NKAIN2: variants seen among roughly 807,000 people sequenced by gnomAD.
NKAIN2 encodes the protein sodium/potassium transporting ATPase interacting 2.
Under a neutral mutation model 32.6 loss-of-function variants are expected in NKAIN2, and 14 were observed. The ratio of observed to expected loss-of-function variants is 0.43; its 90% CI spans 0.28 to 0.67. NKAIN2 has a LOEUF of 0.67. Ranked by LOEUF, NKAIN2 falls within the 30% of genes least tolerant of loss-of-function variation. The pLI, the probability that NKAIN2 is intolerant of heterozygous loss-of-function variation, is 0.17. For missense variants in NKAIN2, 198 were observed against 258.3 expected (o/e 0.77, Z 1.60); for synonymous variants, 80 against 87.2 (o/e 0.92, Z 0.46).
intron 1 of NKAIN2, among the ~76,000 whole-genome samples, chr6:124,017,179 T>G (rs1184864293): frequency 6.6e-6 from 1 of 152,116 alleles, no homozygotes; most frequent in Non-Finnish European, 1.5e-5. Context: ...GAACTCCCCT[T>G]TATAAAATCA....
intron 1 of NKAIN2, among the ~76,000 whole-genome samples, chr6:124,160,387 A>G (rs950113725): frequency 6.6e-6 from 1 of 152,166 alleles, no homozygotes; most frequent in Non-Finnish European, 1.5e-5. Flanking sequence ...GTAAAAACGT[A>G]TTCAGGTTTT....
chr6:124,003,477 A>C (rs1779956071), intron 1 of NKAIN2, among the ~76,000 whole-genome samples: 1 of 152,208 alleles, frequency 6.6e-6, no homozygotes, highest in African/African-American at 2.4e-5. Context: ...AAACTTGTTC[A>C]GAACTTGTTG....
intron 3 of NKAIN2, among the ~76,000 whole-genome samples, chr6:124,494,601 A>G (rs1236477405): frequency 6.6e-6 from 1 of 152,168 alleles, no homozygotes; most frequent in Non-Finnish European, 1.5e-5. Context: ...CATAACAGAT[A>G]AATGATAACA....
chr6:124,210,701 T>G (rs1233069726), intron 1 of NKAIN2, among the ~76,000 whole-genome samples: 1 of 151,692 alleles, frequency 6.6e-6, no homozygotes, highest in Non-Finnish European at 1.5e-5. Flanking sequence ...TGAGATTAGT[T>G]TCTTGATTTT....
chr6:124,212,710 G>C (rs928835345), intron 1 of NKAIN2, among the ~76,000 whole-genome samples: 3 of 151,958 alleles, frequency 2.0e-5, no homozygotes, highest in Admixed American at 6.6e-5. Context: ...TTTAGCATTC[G>C]TTGTTCTTCT....
At chr6:124,662,455 C>G (rs1784782053) in intron 4 of NKAIN2, among the ~76,000 whole-genome samples, 1 of 152,136 alleles carries the variant, frequency 6.6e-6, no homozygotes, top group Non-Finnish European at 1.5e-5. Flanking sequence ...AGTTTAAAGT[C>G]AAGTTCTCCT....
In NKAIN2 at chr6:124,312,315, C is replaced by T. The variant is rs1049459597; in HGVS notation, c.192+29173C>T. 4.6e-5 allele frequency among the ~76,000 whole-genome samples: 7 copies of T among 152,244 alleles called. No individual in the cohort carries two copies. The South Asian group carries it at 1.4e-3, about 32-fold the overall frequency. On this transcript the variant is annotated intron_variant, in intron 2 of 6. Coordinates refer to ENST00000368417, the MANE Select transcript of NKAIN2 (RefSeq NM_001040214.3). ...GCTGTCTTCCAATTCAGTTCTGACA[C>T]TCTACCTGGAGATAGCGTCAGATCC...
chr6:124,693,829 A>G (rs1204997475), intron 4 of NKAIN2, among the ~76,000 whole-genome samples: 1 of 152,072 alleles, frequency 6.6e-6, no homozygotes, highest in Non-Finnish European at 1.5e-5. Context: ...AGTTAGTTAG[A>G]CCCTTCCTGT....
intron 1 of NKAIN2, among the ~76,000 whole-genome samples, chr6:124,098,247 A>G (rs1291684244): frequency 6.6e-6 from 1 of 152,214 alleles, no homozygotes; most frequent in African/African-American, 2.4e-5. Context: ...GCAAATTAAG[A>G]ATTGCAAAGC....
At chr6:124,312,820 A>T (rs1358746263) in intron 2 of NKAIN2, among the ~76,000 whole-genome samples, 2 of 152,156 alleles carry the variant, frequency 1.3e-5, no homozygotes, top group South Asian at 4.1e-4. Flanking sequence ...TGGCTTTTCA[A>T]TGCAGCATTC....
intron 3 of NKAIN2, among the ~76,000 whole-genome samples, chr6:124,545,836 A>G (rs1554223586): frequency 1.3e-5 from 2 of 152,132 alleles, no homozygotes; most frequent in Non-Finnish European, 2.9e-5. Context: ...AAATGAAATG[A>G]CACAAACATT....
chr6:124,183,431 A>C lies in NKAIN2; in HGVS notation c.55-99574A>C, dbSNP rs569766199. Among the ~76,000 whole-genome samples the C allele has an allele frequency of 7.2e-5, 11 of 152,014 alleles. No homozygotes were observed. The East Asian group carries it at 2.1e-3, about 29-fold the overall frequency. ...TCAGTCTGTGAGTAAATTATTAGATAGAGTATAGTCTCTGTATTGAGCATG... is the reference window on the plus strand; with the variant it reads ...TCAGTCTGTGAGTAAATTATTAGATCGAGTATAGTCTCTGTATTGAGCATG... On this transcript the variant is annotated intron_variant, in intron 1 of 6. Transcript: ENST00000368417.
intron 5 of NKAIN2, among the ~76,000 whole-genome samples, chr6:124,806,683 C>CA (rs1780580466): frequency 6.6e-6 from 1 of 152,108 alleles, no homozygotes; most frequent in Admixed American, 6.5e-5. Flanking sequence ...AATTAAAAGA[C>CA]ACAGACTGGC....
chr6:124,417,452 A>C (rs1019894017), intron 3 of NKAIN2, among the ~76,000 whole-genome samples: 1 of 151,884 alleles, frequency 6.6e-6, no homozygotes, highest in African/African-American at 2.4e-5. Flanking sequence ...AATATGTAAA[A>C]AATATTTACA....
At chr6:123,990,273 G>A (rs574018198) in intron 1 of NKAIN2, among the ~76,000 whole-genome samples, 7 of 152,256 alleles carry the variant, frequency 4.6e-5, no homozygotes, top group Non-Finnish European at 8.8e-5. Flanking sequence ...TTTGGGTGGG[G>A]ACCCAGCAAA....
chr6:123,904,362 C>G (rs150816133), intron 1 of NKAIN2, among the ~76,000 whole-genome samples: 178 of 152,332 alleles, frequency 1.2e-3, no homozygotes, highest in Non-Finnish European at 2.1e-3. Flanking sequence ...AACCAGTTAT[C>G]AGGGCATAAT....
At chr6:124,464,432 T>C (rs1302249909) in intron 3 of NKAIN2, among the ~76,000 whole-genome samples, 2 of 151,996 alleles carry the variant, frequency 1.3e-5, no homozygotes, top group African/African-American at 4.8e-5. Context: ...TATAAGCTTT[T>C]TTTTTTTCTG....
intron 3 of NKAIN2, chr6:124,438,035 G>T: frequency 3.0e-6 from 1 of 338,424 alleles, no homozygotes. Flanking sequence ...CATATTAAAT[G>T]AGTGCATTTA....
intron 3 of NKAIN2, among the ~76,000 whole-genome samples, chr6:124,616,910 A>G (rs1026013264): frequency 1.3e-5 from 2 of 152,032 alleles, no homozygotes; most frequent in African/African-American, 4.8e-5. Context: ...AGATTGTATA[A>G]AAGAATGACT....
Sources: allele counts gnomAD v4.1 joint callset (sites outside exome capture counted in the v4.1 genomes callset), GRCh38; gene constraint gnomAD v4.1.1; transcripts MANE v1.5; gene names NCBI Gene and HGNC (gene_info 2026-07-23, HGNC 2026-07-21).